The following PTPRM variants were observed in gnomAD, a reference collection of about 807,000 sequenced individuals.
PTPRM encodes the protein protein tyrosine phosphatase receptor type M.
Under a neutral mutation model 186.7 loss-of-function variants are expected in PTPRM, and 47 were observed. That is an observed-to-expected ratio of 0.25 (90% CI 0.20 to 0.32). The LOEUF is 0.32. PTPRM is among the 10% of genes least tolerant of loss of function. PTPRM has a pLI of 1.00. For synonymous variants in PTPRM, 668 were observed against 674.9 expected, an observed-to-expected ratio of 0.99 and a Z score of 0.16; for missense variants, 1,494 against 1,865.0, an observed-to-expected ratio of 0.80 and a Z score of 3.66.
In PTPRM at chr18:7,983,967, G is replaced by A. The variant is rs748936135; in HGVS notation, c.1132+28553G>A. Among the ~76,000 whole-genome samples, 12 of 152,066 alleles carry A rather than the reference G, an allele frequency of 7.9e-5. No homozygotes were observed. The East Asian group carries it at 9.6e-4, about 12-fold the overall frequency. ...ATGCTAAATTGATGTTATCAAGGTC[G>A]GTAGCTGATCAATTTGCCTTGAAAT... On this transcript the variant is annotated intron_variant, in intron 7 of 32. Transcript: ENST00000580170.
intron 11 of PTPRM, among the ~76,000 whole-genome samples, chr18:8,097,642 T>C (rs1255965724): frequency 6.6e-6 from 1 of 152,172 alleles, no homozygotes; most frequent in African/African-American, 2.4e-5. Flanking sequence ...TCTAAGAGTA[T>C]GTGACAGAAG....
At chr18:8,401,859 G>A (rs890730231) in intron 32 of PTPRM, among the ~76,000 whole-genome samples, 13 of 152,234 alleles carry the variant, frequency 8.5e-5, no homozygotes, top group African/African-American at 2.9e-4. Flanking sequence ...AAGTCTGATC[G>A]GGAGCGGGGC....
rs190521437 is a variant in PTPRM at position 8,228,348 on chromosome 18, C to T, written c.2301-15710C>T. Among the ~76,000 whole-genome samples, 3 of 152,184 alleles carry T rather than the reference C, an allele frequency of 2.0e-5. No homozygotes were observed. The East Asian group carries it at 5.8e-4, about 29-fold the overall frequency. On this transcript the variant is annotated intron_variant, in intron 14 of 32. Coordinates refer to ENST00000580170, the MANE Select transcript of PTPRM (RefSeq NM_001105244.2). ...CTTGGTGGGAACGATATCTAAGGGACTTAGGGAAGGTGCCCCAGCCAGATA... is the reference window on the plus strand; with the variant it reads ...CTTGGTGGGAACGATATCTAAGGGATTTAGGGAAGGTGCCCCAGCCAGATA...
At chr18:8,320,099 T>C (rs1246610743) in intron 22 of PTPRM, among the ~76,000 whole-genome samples, 3 of 152,140 alleles carry the variant, frequency 2.0e-5, no homozygotes, top group Non-Finnish European at 2.9e-5. Flanking sequence ...GAACAGCACA[T>C]GTTCTCCCCA....
At chr18:7,690,496 T>C (rs1446429964) in intron 1 of PTPRM, among the ~76,000 whole-genome samples, 1 of 152,214 alleles carries the variant, frequency 6.6e-6, no homozygotes, top group East Asian at 1.9e-4. Context: ...GAGTACCTTA[T>C]AAACAGGGAC....
rs57364777 is a variant in PTPRM at position 7,703,017 on chromosome 18, G to T, written c.74-71132G>T. 3.0e-3 allele frequency among the ~76,000 whole-genome samples: 453 copies of T among 152,320 alleles called. 1 individual carries two copies. Among genetic ancestry groups the T allele is most frequent in the Middle Eastern group, 0.017 (5 of 294 alleles). The stretch of plus-strand genomic sequence containing the variant: ...GTGTGGTATTATTTCTGAGGCCTCT[G>T]TTCTGTTCCATTGGTCTATATATCT... On this transcript the variant is annotated intron_variant, in intron 1 of 32. Coordinates refer to ENST00000580170, the MANE Select transcript of PTPRM (RefSeq NM_001105244.2).
In PTPRM at chr18:8,088,871, GC is replaced by G; in HGVS notation, c.1856+22del. ...TGTCAGGTATGGAACAGAGGGTTGGGCCGGCTCTAGATAGAAGAAAACTAAA... is the reference window on the plus strand; with the variant it reads ...TGTCAGGTATGGAACAGAGGGTTGGGCGGCTCTAGATAGAAGAAAACTAAA... On this transcript the variant is annotated intron_variant, in intron 11 of 32. Transcript: ENST00000580170. 1 of 1,552,580 alleles carries G rather than the reference GC, an allele frequency of 6.4e-7. No individual in the cohort carries two copies. Among genetic ancestry groups the G allele is most frequent in the African/African-American group, 1.4e-5 (1 of 73,582 alleles).
chr18:7,949,016 GTTTCCTGCTCAGCTA>G, intron 5 of PTPRM, among the ~76,000 whole-genome samples, 150 bp from the exon 6 acceptor site: 1 of 152,226 alleles, frequency 6.6e-6, no homozygotes, highest in South Asian at 2.1e-4. Context: ...CAGAATTTTA[GTTTCCTGCTCAGCTA>G]TTCTCCTGGT....
intron 14 of PTPRM, among the ~76,000 whole-genome samples, chr18:8,183,074 G>A (rs1469991725): frequency 3.9e-5 from 6 of 152,170 alleles, no homozygotes; most frequent in Non-Finnish European, 8.8e-5. Context: ...TAGTCACACA[G>A]CACTTATAAT....
chr18:7,741,480 T>C (rs2144510494), intron 1 of PTPRM: 1 of 152,344 alleles, frequency 6.6e-6, no homozygotes, highest in East Asian at 1.9e-4. Context: ...GAATTTATCT[T>C]CCCAAGCCTG....
chr18:8,028,159 C>T (rs368844109), intron 7 of PTPRM, among the ~76,000 whole-genome samples: 20 of 152,362 alleles, frequency 1.3e-4, no homozygotes, highest in African/African-American at 4.6e-4. Context: ...CGTGCCACCA[C>T]ACCAGGCTAA....
chr18:7,888,972 A>T (rs2048922341), intron 3 of PTPRM, among the ~76,000 whole-genome samples: 1 of 152,114 alleles, frequency 6.6e-6, no homozygotes, highest in Non-Finnish European at 1.5e-5. Context: ...TACAAAAAGG[A>T]GGGGAGCAAG....
intron 1 of PTPRM, among the ~76,000 whole-genome samples, chr18:7,623,529 C>A (rs1005830998): frequency 3.3e-5 from 5 of 152,180 alleles, no homozygotes; most frequent in African/African-American, 1.2e-4. Context: ...TTTTTCCATG[C>A]TTTGAAATAG....
At chr18:7,952,106 CTATT>C (rs2053001793) in intron 6 of PTPRM, among the ~76,000 whole-genome samples, 1 of 152,142 alleles carries the variant, frequency 6.6e-6, no homozygotes, top group Non-Finnish European at 1.5e-5. Context: ...TATCAATACC[CTATT>C]TAGTTACGTT....
intron 19 of PTPRM, among the ~76,000 whole-genome samples, chr18:8,267,332 A>T (rs1286697233): frequency 1.3e-5 from 2 of 152,120 alleles, no homozygotes; most frequent in African/African-American, 2.4e-5. Flanking sequence ...TAGTTGTAAG[A>T]GTATGGAGTA....
chr18:8,153,917 C>T (rs537018973), intron 14 of PTPRM, among the ~76,000 whole-genome samples: 10 of 152,298 alleles, frequency 6.6e-5, no homozygotes, highest in African/African-American at 2.4e-4. Flanking sequence ...TGAGAAAACT[C>T]AACTAGATGA....
chr18:8,261,422 A>C (rs1249255309), intron 19 of PTPRM, among the ~76,000 whole-genome samples: 1 of 152,260 alleles, frequency 6.6e-6, no homozygotes, highest in East Asian at 1.9e-4. Context: ...GAACTCTGAA[A>C]TTTTGAGATG....
At chr18:8,101,706 C>T (rs950868774) in intron 11 of PTPRM, among the ~76,000 whole-genome samples, 1 of 152,192 alleles carries the variant, frequency 6.6e-6, no homozygotes, top group Admixed American at 6.5e-5. Flanking sequence ...AACCCCAAAG[C>T]CATGAGCTTT....
chr18:8,380,288 G>A lies in PTPRM; in HGVS notation c.3787-8G>A. 6.2e-7 allele frequency: 1 copy of A among 1,612,874 alleles called. No individual in the cohort carries two copies. Among genetic ancestry groups the A allele is most frequent in the Non-Finnish European group, 8.5e-7 (1 of 1,178,936 alleles). ...GTATATTTGGAGCATTCTTGTTTGT[G>A]TTTGCAGAGCTATAAACAGCCTTCA... On this transcript the variant is annotated splice_region_variant and splice_polypyrimidine_tract_variant and intron_variant, in intron 28 of 32. Transcript: ENST00000580170.
Sources: allele counts gnomAD v4.1 joint callset (sites outside exome capture counted in the v4.1 genomes callset), GRCh38; gene constraint gnomAD v4.1.1; transcripts MANE v1.5; gene names NCBI Gene and HGNC (gene_info 2026-07-23, HGNC 2026-07-21).